Variants in ACCSL observed in about 807,000 individuals in gnomAD.
ACCSL encodes probable inactive 1-aminocyclopropane-1-carboxylate synthase-like protein 2.
A neutral mutation model predicts 61.7 loss-of-function variants in ACCSL; 55 were observed. That is an observed-to-expected ratio of 0.89 (90% confidence interval 0.72 to 1.12). The LOEUF (loss-of-function observed/expected upper bound fraction) is 1.12, where lower values mean the gene tolerates loss of function less well. Ranked by LOEUF, ACCSL falls within the 50% of genes most tolerant of loss-of-function variation. ACCSL has a pLI of 0.00. For synonymous variants in ACCSL, 258 were observed against 264.3 expected (o/e 0.98, Z 0.23); for missense variants, 632 against 698.0 (o/e 0.91, Z 1.07).
At chr11:44,004,077 G>T in the ACCSL span, among the ~76,000 whole-genome samples, 1 of 152,208 alleles carries the variant, frequency 6.6e-6, no homozygotes, top group Non-Finnish European at 1.5e-5. Flanking sequence ...GACCCTGACT[G>T]CCTAGCAACC....
chr11:43,965,190 C>G, the ACCSL span, among the ~76,000 whole-genome samples: 2 of 151,884 alleles, frequency 1.3e-5, no homozygotes, highest in Non-Finnish European at 2.9e-5. Context: ...TGTAGAAAAT[C>G]CTAAAGAAAC....
chr11:43,933,500 T>C, the ACCSL span: 1 of 183,860 alleles, frequency 5.4e-6, no homozygotes, highest in Non-Finnish European at 1.2e-5. Context: ...CCTGTTTTGC[T>C]GAAGTCAGAG....
In ACCSL at chr11:44,051,119, G is replaced by A. The variant is rs1472205977; in HGVS notation, c.636-216G>A. ...GCCTCCCAAAGTGCTGGGATTACAG[G>A]CATGAGCCACTGTGCCCGGCCAAGG... On this transcript the variant is annotated intron_variant, in intron 3 of 13. Coordinates refer to ENST00000378832, the MANE Select transcript of ACCSL (RefSeq NM_001031854.2). 3.3e-5 allele frequency among the ~76,000 whole-genome samples: 5 copies of A among 152,210 alleles called. No homozygotes were observed. The South Asian group carries it at 1.0e-3, about 31-fold the overall frequency.
the ACCSL span, among the ~76,000 whole-genome samples, chr11:44,008,358 G>A: frequency 2.6e-5 from 4 of 152,184 alleles, no homozygotes; most frequent in African/African-American, 9.7e-5. Context: ...GCGTGGTCCG[G>A]GGCTGGTGCC....
the ACCSL span, among the ~76,000 whole-genome samples, chr11:43,969,012 T>C: frequency 6.6e-6 from 1 of 152,154 alleles, no homozygotes; most frequent in South Asian, 2.1e-4. Flanking sequence ...GGCTTCTGGG[T>C]GTTCCATACT....
the ACCSL span, among the ~76,000 whole-genome samples, chr11:43,980,186 T>C: frequency 2.0e-5 from 3 of 152,234 alleles, no homozygotes; most frequent in Admixed American, 2.0e-4. Context: ...GAATATACCA[T>C]AGTTTATTTA....
Position 44,048,066 on chromosome 11 carries a change from G to A in ACCSL, c.30G>A (p.Val10=), listed in dbSNP as rs748194606. 8.7e-6 allele frequency: 14 copies of A among 1,613,232 alleles called. No individual in the cohort carries two copies. Among genetic ancestry groups the A allele is most frequent in the African/African-American group, 1.3e-5 (1 of 74,904 alleles). Residue 10 remains valine (V), a synonymous_variant, in exon 1 of 14, where the codon GTG becomes GTA. Coordinates refer to ENST00000378832, the MANE Select transcript of ACCSL (RefSeq NM_001031854.2). ...GTCATCGGTCAGACACCCTTCCTGT[G>A]CCCTCTGGTCAGAGGAGAGGCCGGG... MSHRSDTLP[V]PSGQRRGRVP... is the part of the protein sequence containing the mutation.
At chr11:43,953,384 T>C in the ACCSL span, among the ~76,000 whole-genome samples, 1 of 146,162 alleles carries the variant, frequency 6.8e-6, no homozygotes, top group African/African-American at 2.5e-5. Context: ...TGGCCAGGCG[T>C]GTGGTGGGTG....
At chr11:43,925,436 G>A in the ACCSL span, 1 of 456,078 alleles carries the variant, frequency 2.2e-6, no homozygotes, top group Non-Finnish European at 4.4e-6. Context: ...CAGCCAGGTG[G>A]CTGGATATGT....
At chr11:43,928,021 G>A in the ACCSL span, among the ~76,000 whole-genome samples, 1 of 152,226 alleles carries the variant, frequency 6.6e-6, no homozygotes, top group African/African-American at 2.4e-5. Flanking sequence ...TCTTAGAGCT[G>A]GCAGAATATG....
chr11:44,049,948 T>A, intron 1 of ACCSL, 114 bp from the exon 2 acceptor site: 5 of 1,415,680 alleles, frequency 3.5e-6, no homozygotes, highest in Non-Finnish European at 5.0e-6. Flanking sequence ...GTTGTCAAAT[T>A]TGGATTGAAT....
the ACCSL span, among the ~76,000 whole-genome samples, chr11:43,976,918 G>A: frequency 1.3e-5 from 2 of 152,200 alleles, no homozygotes; most frequent in Admixed American, 6.5e-5. Context: ...GAGTGAGTAG[G>A]TATTACTTTT....
At chr11:43,999,298 G>T in the ACCSL span, among the ~76,000 whole-genome samples, 2 of 152,224 alleles carry the variant, frequency 1.3e-5, no homozygotes, top group South Asian at 4.1e-4. Flanking sequence ...AAATTTCCAG[G>T]CTTAAAATGA....
the ACCSL span, among the ~76,000 whole-genome samples, chr11:44,019,218 T>G: frequency 6.6e-6 from 1 of 152,358 alleles, no homozygotes; most frequent in East Asian, 1.9e-4. Flanking sequence ...GGGGCTATTA[T>G]GAATAATATT....
chr11:43,933,599 A>G, the ACCSL span, among the ~76,000 whole-genome samples: 1 of 152,258 alleles, frequency 6.6e-6, no homozygotes, highest in Non-Finnish European at 1.5e-5. Context: ...CAGTGGTCCC[A>G]GAAGAGGAAC....
the ACCSL span, among the ~76,000 whole-genome samples, chr11:43,952,366 C>A: frequency 2.6e-5 from 4 of 152,166 alleles, no homozygotes; most frequent in African/African-American, 9.7e-5. Flanking sequence ...GAGGAGACCA[C>A]CCCTCATATT....
intron 3 of ACCSL, among the ~76,000 whole-genome samples, 194 bp from the exon 4 acceptor site, chr11:44,051,141 A>G (rs1293331342): frequency 6.6e-6 from 1 of 152,040 alleles, no homozygotes; most frequent in Non-Finnish European, 1.5e-5. Flanking sequence ...GTGCCCGGCC[A>G]AGGCCTAAGT....
the ACCSL span, among the ~76,000 whole-genome samples, chr11:43,968,509 T>G: frequency 6.6e-6 from 1 of 152,220 alleles, no homozygotes; most frequent in Non-Finnish European, 1.5e-5. Context: ...CCTTTTTGCT[T>G]TTTGAACATC....
chr11:44,025,982 T>G, the ACCSL span, among the ~76,000 whole-genome samples: 1 of 152,234 alleles, frequency 6.6e-6, no homozygotes, highest in Admixed American at 6.5e-5. Context: ...TTCTTTGTCT[T>G]TTAACCATTT....
Sources: allele counts gnomAD v4.1 joint callset (sites outside exome capture counted in the v4.1 genomes callset), GRCh38; gene constraint gnomAD v4.1.1; transcripts MANE v1.5; gene names NCBI Gene and HGNC (gene_info 2026-07-23, HGNC 2026-07-21).